The following MAP3K4 variants were observed in gnomAD, a reference collection of about 807,000 sequenced individuals.
MAP3K4 encodes the protein mitogen-activated protein kinase kinase kinase 4, also known as MAP three kinase 1.
In MAP3K4, 67 loss-of-function variants were observed where a neutral mutation model predicts 185.6. The ratio of observed to expected loss-of-function variants is 0.36; its 90% CI spans 0.30 to 0.44. The LOEUF (loss-of-function observed/expected upper bound fraction) is 0.44. Among genes scored for constraint, MAP3K4 ranks in the 20% least tolerant of loss-of-function variants. The probability of loss-of-function intolerance (pLI) is 1.00; values close to 1 mark genes in which losing one functional copy is unlikely to be tolerated. For missense variants in MAP3K4, 1,551 were observed against 1,995.1 expected (o/e 0.78, Z 4.24); for synonymous variants, 702 against 710.4 (o/e 0.99, Z 0.19).
chr6:161,007,985 A>C lies in MAP3K4; in HGVS notation c.152+15902A>C, dbSNP rs1781673995. On this transcript the variant is annotated intron_variant, in intron 1 of 26. Transcript: ENST00000392142. This position sits in a 1 kb window ranked among gnomAD's most constrained non-coding sequence, Gnocchi z 4.5. ...ATGGCCTTGACTCTTGCTTCTAATT[A>C]AACTTTTTATGTGATAAATATGGTA... 6.6e-6 allele frequency among the ~76,000 whole-genome samples: 1 copy of C among 152,206 alleles called. No homozygotes were observed. The highest frequency in any genetic ancestry group is 1.5e-5 in the Non-Finnish European group (1 of 68,036).
rs1390044387 is a variant in MAP3K4, at chr6:160,991,871, G to A, written c.-61G>A. ...AGTCACTCCCGCACTTCGGGGCTCC[G>A]GTGCCCCGCGCCAGGCTGCAGCTTA... is the stretch of plus-strand genomic sequence containing the variant. On this transcript the variant is annotated 5_prime_UTR_variant, in exon 1 of 27. Coordinates refer to ENST00000392142, the MANE Select transcript of MAP3K4 (RefSeq NM_005922.4). This position sits in a 1 kb window ranked among gnomAD's most constrained non-coding sequence, Gnocchi z 5.7. 3 of 1,435,516 alleles carry A rather than the reference G, an allele frequency of 2.1e-6. No homozygotes were observed. The highest frequency in any genetic ancestry group is 2.9e-5 in the Admixed American group (1 of 35,020). 88.9% of individuals were successfully genotyped at this position (1,435,516 alleles called of 1,614,324 possible).
At chr6:161,013,394 G>T (rs1289723096) in intron 1 of MAP3K4, among the ~76,000 whole-genome samples, 1 of 152,094 alleles carries the variant, frequency 6.6e-6, no homozygotes, top group African/African-American at 2.4e-5. Flanking sequence ...TATGGCTTAG[G>T]TAAATTTTTT....
intron 3 of MAP3K4, among the ~76,000 whole-genome samples, chr6:161,060,328 AATG>A: frequency 6.6e-6 from 1 of 152,300 alleles, no homozygotes; most frequent in South Asian, 2.1e-4. Context: ...TTTTTAAAAT[AATG>A]ATGTGGTTTA....
Position 161,049,958 on chromosome 6 carries a change from A to G in MAP3K4, c.1686A>G (p.Val562=). The change falls in exon 3 of 27, where the codon GTA becomes GTG. Residue 562 remains valine (V), a synonymous_variant. Transcript: ENST00000392142. The surrounding 1 kb of genome is among the most constrained non-coding windows in gnomAD (Gnocchi z 8.4). ...GSLQRARIAL[V]KNDRPVEFSE... is the part of the protein sequence containing the mutation. The stretch of plus-strand genomic sequence containing the variant: ...TGCAAAGGGCACGTATAGCATTGGT[A>G]AAGAACGATCGTCCAGTGGAGGTAG... 1 of 1,611,102 alleles carries G rather than the reference A, an allele frequency of 6.2e-7. No homozygotes were observed.
chr6:161,033,545 C>G (rs1783025035), intron 1 of MAP3K4, among the ~76,000 whole-genome samples: 1 of 42,520 alleles, frequency 2.4e-5, no homozygotes, highest in Non-Finnish European at 4.5e-5. Context: ...TCCTTCTCCC[C>G]TGCACCTTGA....
At chr6:161,012,526 A>G (rs1583106375) in intron 1 of MAP3K4, among the ~76,000 whole-genome samples, 1 of 152,220 alleles carries the variant, frequency 6.6e-6, no homozygotes, top group Non-Finnish European at 1.5e-5. Context: ...ATCTACCTAT[A>G]TGCTATCATA....
intron 1 of MAP3K4, among the ~76,000 whole-genome samples, chr6:161,012,104 C>T (rs4403247): frequency 1.3e-5 from 2 of 152,212 alleles, no homozygotes; most frequent in African/African-American, 4.8e-5. Flanking sequence ...ACTTGCCTCC[C>T]TACACCAATT....
Position 161,098,498 on chromosome 6 carries a change from T to C in MAP3K4, c.3674+71T>C. On this transcript the variant is annotated intron_variant, in intron 17 of 26. Coordinates refer to ENST00000392142, the MANE Select transcript of MAP3K4 (RefSeq NM_005922.4). This position sits in a 1 kb window ranked among gnomAD's most constrained non-coding sequence, Gnocchi z 4.4. ...TGCGCTTACACAGCAACCATAGTGTTAGGGTGTGTGCCGGCTGTGGTTGGG... is the reference window on the plus strand; with the variant it reads ...TGCGCTTACACAGCAACCATAGTGTCAGGGTGTGTGCCGGCTGTGGTTGGG... 6.6e-7 allele frequency: 1 copy of C among 1,516,394 alleles called. No individual in the cohort carries two copies. The highest frequency in any genetic ancestry group is 8.9e-7 in the Non-Finnish European group (1 of 1,124,994). The allele number at this position is 1,516,394 out of a possible 1,614,324, so 93.9% of individuals were successfully genotyped here.
In MAP3K4 at chr6:161,089,457, T is replaced by C; in HGVS notation, c.2959T>C (p.Leu987=). Residue 987 remains leucine (L), a synonymous_variant, in exon 11 of 27, where the codon TTG becomes CTG. Transcript: ENST00000392142. ...CAGTCAGCCGGTCATCGCCAAAGCTTTGCAGCAGCTGAAGGTATTACACTG... is the reference window on the plus strand; with the variant it reads ...CAGTCAGCCGGTCATCGCCAAAGCTCTGCAGCAGCTGAAGGTATTACACTG... The part of the protein sequence containing the change: ...TSSQPVIAKA[L]QQLKNDALEL... 1 of 1,614,178 alleles carries C rather than the reference T, an allele frequency of 6.2e-7. No individual in the cohort carries two copies. Among genetic ancestry groups the C allele is most frequent in the Non-Finnish European group, 8.5e-7 (1 of 1,180,028 alleles).
rs2114907186 is a variant in MAP3K4 at position 161,106,171 on chromosome 6, C to G, written c.3857-343C>G. Among the ~76,000 whole-genome samples the G allele has an allele frequency of 6.6e-6, 1 of 152,162 alleles. No individual in the cohort carries two copies. Among genetic ancestry groups the G allele is most frequent in the East Asian group, 1.9e-4 (1 of 5,164 alleles). ...AATTTATGTAGGACAGTAACATGAT[C>G]ACATTTTATGTTTTAATAATATGGC... On this transcript the variant is annotated intron_variant, in intron 19 of 26. Coordinates refer to ENST00000392142, the MANE Select transcript of MAP3K4 (RefSeq NM_005922.4). The surrounding 1 kb of genome is among the most constrained non-coding windows in gnomAD (Gnocchi z 4.9).
chr6:161,081,947 G>C (rs1394436268), intron 6 of MAP3K4, among the ~76,000 whole-genome samples: 4 of 152,140 alleles, frequency 2.6e-5, no homozygotes, highest in Non-Finnish European at 5.9e-5. Flanking sequence ...TAGAGCAGCA[G>C]CTTCTGCTGC....
At position 161,053,117 on chromosome 6, in the gene MAP3K4, T is replaced by C. The variant is rs1784079340; in HGVS notation, c.1707+3138T>C. 1.3e-5 allele frequency among the ~76,000 whole-genome samples: 2 copies of C among 152,194 alleles called. No individual in the cohort carries two copies. Among genetic ancestry groups the C allele is most frequent in the Non-Finnish European group, 2.9e-5 (2 of 68,042 alleles). ...GGTCCCACAGATTGTATAGGAAGCA[T>C]GGCAGGCAACATCAGCTTCTGGGGA... On this transcript the variant is annotated intron_variant, in intron 3 of 26. Coordinates refer to ENST00000392142, the MANE Select transcript of MAP3K4 (RefSeq NM_005922.4). The surrounding 1 kb of genome is among the most constrained non-coding windows in gnomAD (Gnocchi z 4.2).
chr6:161,106,436 T>C lies in MAP3K4; in HGVS notation c.3857-78T>C, dbSNP rs1778075629. 9.8e-7 allele frequency: 1 copy of C among 1,015,794 alleles called. No homozygotes were observed. The highest frequency in any genetic ancestry group is 1.5e-6 in the Non-Finnish European group (1 of 686,268). 62.9% of individuals were successfully genotyped at this position (1,015,794 alleles called of 1,614,324 possible). On this transcript the variant is annotated intron_variant, in intron 19 of 26. Transcript: ENST00000392142. This position sits in a 1 kb window ranked among gnomAD's most constrained non-coding sequence, Gnocchi z 4.9. ...AATGGAGTGCTAATATATATTGCTC[T>C]ATTTTTATTGGTTTGTCTTTTGGAA...
In MAP3K4 at chr6:161,096,928, T is replaced by C. The variant is rs73784754; in HGVS notation, c.3428-152T>C. The C allele has an allele frequency of 0.013, 7,432 of 557,550 alleles. 329 individuals are homozygous for C. The highest frequency in any genetic ancestry group is 0.11 in the African/African-American group (5,697 of 53,692). The allele number at this position is 557,550 out of a possible 1,614,324, so 34.5% of individuals were successfully genotyped here. A position where few individuals can be genotyped will look rare whatever the true frequency, so the allele number is the denominator to read the frequency against. On this transcript the variant is annotated intron_variant, in intron 15 of 26. Coordinates refer to ENST00000392142, the MANE Select transcript of MAP3K4 (RefSeq NM_005922.4). The surrounding 1 kb of genome is among the most constrained non-coding windows in gnomAD (Gnocchi z 4.9). ...AAAGTGACATTTTCCATAATATTTG[T>C]ATATGTAATATTATTTTTTACTTAT... is the stretch of plus-strand genomic sequence containing the variant.
At chr6:161,028,230 T>C (rs1023432742) in intron 1 of MAP3K4, among the ~76,000 whole-genome samples, 2 of 152,186 alleles carry the variant, frequency 1.3e-5, no homozygotes, top group Non-Finnish European at 1.5e-5. Context: ...ATTGTTAATG[T>C]TTTTGTATGT....
chr6:161,080,829 G>C lies in MAP3K4; in HGVS notation c.2098-52G>C. Reference sequence around the variant, plus strand: ...TGTGTAGCTTTCAGGTGAGAGCGCTGAGTTGCCAAGTTCTACTTTCAAATG... The same window carrying C: ...TGTGTAGCTTTCAGGTGAGAGCGCTCAGTTGCCAAGTTCTACTTTCAAATG... On this transcript the variant is annotated intron_variant, in intron 5 of 26. Coordinates refer to ENST00000392142, the MANE Select transcript of MAP3K4 (RefSeq NM_005922.4). This position sits in a 1 kb window ranked among gnomAD's most constrained non-coding sequence, Gnocchi z 4.8. 6.4e-7 allele frequency: 1 copy of C among 1,555,314 alleles called. No individual in the cohort carries two copies. Among genetic ancestry groups the C allele is most frequent in the South Asian group, 1.1e-5 (1 of 87,418 alleles).
chr6:161,002,891 G>A (rs1324497385), intron 1 of MAP3K4, among the ~76,000 whole-genome samples: 1 of 151,986 alleles, frequency 6.6e-6, no homozygotes, highest in African/African-American at 2.4e-5. Context: ...GCACCCGGCC[G>A]GCATATTTCT....
chr6:161,026,147 T>C (rs1422001943), intron 1 of MAP3K4, among the ~76,000 whole-genome samples: 1 of 152,158 alleles, frequency 6.6e-6, no homozygotes, highest in East Asian at 1.9e-4. Flanking sequence ...GCTTTTTTTT[T>C]TGAGATGGAG....
intron 1 of MAP3K4, among the ~76,000 whole-genome samples, chr6:161,024,425 CAG>C (rs1157242369): frequency 6.6e-6 from 1 of 152,182 alleles, no homozygotes; most frequent in Non-Finnish European, 1.5e-5. Flanking sequence ...TAACTAAACT[CAG>C]AACTTTATTC....
Sources: gnomAD v4.1 joint callset for allele counts (sites outside exome capture counted in the v4.1 genomes callset) on GRCh38, gnomAD v4.1.1 for gene constraint, Gnocchi (gnomAD v3.1) non-coding constraint, MANE v1.5 for transcripts, NCBI Gene and HGNC (gene_info 2026-07-23, HGNC 2026-07-21) for gene names.